ARNT2: variants seen among roughly 807,000 people sequenced by gnomAD.
ARNT2 encodes aryl hydrocarbon receptor nuclear translocator 2.
In ARNT2, 36 loss-of-function variants were observed where a neutral mutation model predicts 91.7. The observed-to-expected ratio is 0.39, with a 90% CI of 0.30 to 0.52. The LOEUF is 0.52. Among genes scored for constraint, ARNT2 ranks in the 20% least tolerant of loss-of-function variants. The probability of loss-of-function intolerance (pLI) is 0.72; values close to 1 mark genes in which losing one functional copy is unlikely to be tolerated. For missense variants in ARNT2, 775 were observed against 939.3 expected, an observed-to-expected ratio of 0.83 and a Z score of 2.29; for synonymous variants, 365 against 347.1, an observed-to-expected ratio of 1.05 and a Z score of -0.57.
chr15:80,424,362 G>A (rs777948979), intron 1 of ARNT2, among the ~76,000 whole-genome samples: 1 of 152,190 alleles, frequency 6.6e-6, no homozygotes, highest in Non-Finnish European at 1.5e-5. Flanking sequence ...GACTTCATCT[G>A]GTTTGCACAC....
intron 1 of ARNT2, chr15:80,434,104 A>T (rs995230174): frequency 2.6e-5 from 4 of 152,344 alleles, no homozygotes; most frequent in African/African-American, 9.6e-5. Context: ...TTTAAGTTTT[A>T]TGGCTGGCTT....
In ARNT2 at chr15:80,591,547, C is replaced by A; in HGVS notation, c.1919-21C>A. 1 of 1,614,028 alleles carries A rather than the reference C, an allele frequency of 6.2e-7. No homozygotes were observed. Among genetic ancestry groups the A allele is most frequent in the Non-Finnish European group, 8.5e-7 (1 of 1,179,958 alleles). ...ACGGGATGGCTTTTAAAGGAAGTGT[C>A]CTGTGTGTCGAATCTTTCAGCTGAA... On this transcript the variant is annotated intron_variant, in intron 17 of 18. Coordinates refer to ENST00000303329, the MANE Select transcript of ARNT2 (RefSeq NM_014862.4). This position sits in a 1 kb window ranked among gnomAD's most constrained non-coding sequence, Gnocchi z 5.1.
intron 18 of ARNT2, 38 bp from the exon 19 acceptor site, chr15:80,593,562 C>A: frequency 6.7e-7 from 1 of 1,486,444 alleles, no homozygotes; most frequent in African/African-American, 1.4e-5. Flanking sequence ...GACAGAGGAG[C>A]TGACTCCCCT....
chr15:80,584,412 G>GT (rs1898855088), intron 17 of ARNT2, among the ~76,000 whole-genome samples: 1 of 152,188 alleles, frequency 6.6e-6, no homozygotes, highest in Admixed American at 6.5e-5. Context: ...GAAAGAGGGT[G>GT]TGTGTATGGT....
chr15:80,524,286 A>G (rs978309608), intron 8 of ARNT2, among the ~76,000 whole-genome samples: 6 of 152,232 alleles, frequency 3.9e-5, no homozygotes, highest in Admixed American at 6.5e-5. Flanking sequence ...TGGACACTTT[A>G]TGTACTGCTG....
intron 8 of ARNT2, among the ~76,000 whole-genome samples, chr15:80,536,492 G>GC (rs998208152): frequency 3.9e-5 from 6 of 152,174 alleles, no homozygotes; most frequent in African/African-American, 7.2e-5. Flanking sequence ...GACATGTGTA[G>GC]CCCCCAGGTA....
chr15:80,437,611 C>G (rs1336737010), intron 1 of ARNT2, among the ~76,000 whole-genome samples: 1 of 152,168 alleles, frequency 6.6e-6, no homozygotes, highest in Non-Finnish European at 1.5e-5. Flanking sequence ...TCTGCCTTTT[C>G]CCCCTTTCAT....
At chr15:80,470,705 AAGTT>A (rs1279343083) in intron 4 of ARNT2, among the ~76,000 whole-genome samples, 7 of 152,374 alleles carry the variant, frequency 4.6e-5, no homozygotes, top group Admixed American at 6.5e-5. Flanking sequence ...ACACAGGAAG[AAGTT>A]AGTAAAAACG....
chr15:80,587,629 C>T (rs1246769245), intron 17 of ARNT2, among the ~76,000 whole-genome samples: 1 of 152,190 alleles, frequency 6.6e-6, no homozygotes, highest in Non-Finnish European at 1.5e-5. Flanking sequence ...ACCTAGGAAG[C>T]CACAAGCTCC....
intron 8 of ARNT2, among the ~76,000 whole-genome samples, chr15:80,526,637 C>T (rs189701526): frequency 3.3e-5 from 5 of 152,292 alleles, no homozygotes; most frequent in Admixed American, 1.3e-4. Context: ...GGAGGAGGTT[C>T]GGGTGTTGGC....
rs1258517511 is a variant in ARNT2, at chr15:80,576,733, C to A, written c.1514-133C>A. 6 of 845,512 alleles carry A rather than the reference C, an allele frequency of 7.1e-6. No homozygotes were observed. The East Asian group carries it at 1.2e-4, about 17-fold the overall frequency. The allele number at this position is 845,512 out of a possible 1,614,324, so 52.4% of individuals were successfully genotyped here. On this transcript the variant is annotated intron_variant, in intron 14 of 18. Coordinates refer to ENST00000303329, the MANE Select transcript of ARNT2 (RefSeq NM_014862.4). ...GGCAGAGGCAAGGCTGAGAAGATTGCGTGCAGGCGGGCTGCCCTGACTTGT... is the reference window on the plus strand; with the variant it reads ...GGCAGAGGCAAGGCTGAGAAGATTGAGTGCAGGCGGGCTGCCCTGACTTGT...
intron 6 of ARNT2, among the ~76,000 whole-genome samples, chr15:80,508,528 A>T (rs1302961148): frequency 6.6e-6 from 1 of 152,010 alleles, no homozygotes; most frequent in South Asian, 2.1e-4. Context: ...GTATCACTCT[A>T]CTTCCTACCC....
At chr15:80,558,592 G>A (rs565034492) in intron 11 of ARNT2, among the ~76,000 whole-genome samples, 16 of 151,974 alleles carry the variant, frequency 1.1e-4, no homozygotes, top group Admixed American at 2.0e-4. Flanking sequence ...CGCCTGCCTC[G>A]GCCTCCCAAA....
chr15:80,448,508 C>T (rs1277940398), intron 1 of ARNT2, among the ~76,000 whole-genome samples: 1 of 152,174 alleles, frequency 6.6e-6, no homozygotes, highest in African/African-American at 2.4e-5. Context: ...TTTTGGGGAG[C>T]TTTACTTTTT....
chr15:80,496,465 C>T (rs1030348196), intron 5 of ARNT2, among the ~76,000 whole-genome samples: 1 of 152,220 alleles, frequency 6.6e-6, no homozygotes, highest in Non-Finnish European at 1.5e-5. Flanking sequence ...AAAACCTTTT[C>T]CAGGCTCAAG....
rs1282191481 is a variant in ARNT2 at position 80,591,231 on chromosome 15, C to T, written c.1919-337C>T. 2.6e-5 allele frequency among the ~76,000 whole-genome samples: 4 copies of T among 152,152 alleles called. No homozygotes were observed. Among genetic ancestry groups the T allele is most frequent in the Non-Finnish European group, 5.9e-5 (4 of 68,016 alleles). ...GCATGCAACAGATATGCCCCTTGCC[C>T]CCCAGATGCCCGCAGGAGGCCTTTG... On this transcript the variant is annotated intron_variant, in intron 17 of 18. Transcript: ENST00000303329. The surrounding 1 kb of genome is among the most constrained non-coding windows in gnomAD (Gnocchi z 5.1).
At chr15:80,459,822 G>T (rs1337861684) in intron 3 of ARNT2, among the ~76,000 whole-genome samples, 1 of 152,206 alleles carries the variant, frequency 6.6e-6, no homozygotes, top group Non-Finnish European at 1.5e-5. Context: ...TCCAGCATAT[G>T]CTGTTACTAA....
At chr15:80,565,650 C>T (rs183478349) in intron 12 of ARNT2, among the ~76,000 whole-genome samples, 1 of 150,110 alleles carries the variant, frequency 6.7e-6, no homozygotes. Context: ...GCATTTTTTT[C>T]ATTTGTTTGT....
At chr15:80,585,935 G>A (rs1292834845) in intron 17 of ARNT2, among the ~76,000 whole-genome samples, 4 of 152,216 alleles carry the variant, frequency 2.6e-5, no homozygotes, top group Admixed American at 6.5e-5. Flanking sequence ...CGCTGCACTC[G>A]CTGACAAAGG....
Sources: gnomAD v4.1 joint callset for allele counts (sites outside exome capture counted in the v4.1 genomes callset) on GRCh38, gnomAD v4.1.1 for gene constraint, Gnocchi (gnomAD v3.1) non-coding constraint, MANE v1.5 for transcripts, NCBI Gene and HGNC (gene_info 2026-07-23, HGNC 2026-07-21) for gene names.